The following CARD14 variants were observed in gnomAD, a reference collection of about 807,000 sequenced individuals.
The protein encoded by CARD14 is caspase recruitment domain family member 14, also known as caspase recruitment domain-containing protein 14.
Under a neutral mutation model 111.5 loss-of-function variants are expected in CARD14, and 107 were observed. The ratio of observed to expected loss-of-function variants is 0.96; its 90% CI spans 0.82 to 1.13. The LOEUF is 1.13. Among genes scored for constraint, CARD14 ranks in the 50% most tolerant of loss-of-function variants. CARD14 has a pLI of 0.00. For missense variants in CARD14, 1,322 were observed against 1,362.3 expected (o/e 0.97, Z 0.47); for synonymous variants, 617 against 579.6 (o/e 1.06, Z -0.93).
rs140521323 is a variant in CARD14 at position 80,194,443 on chromosome 17, C to T, written c.1357-748C>T. On this transcript the variant is annotated intron_variant, in intron 12 of 23. Coordinates refer to ENST00000648509, the MANE Select transcript of CARD14 (RefSeq NM_001366385.1). ...CATCTGGTGGCCTCAGCGCCTCGCA[C>T]GTCACATTTGTCAGTGTGCACTCTG... Among the ~76,000 whole-genome samples, 905 of 152,354 alleles carry T rather than the reference C, an allele frequency of 5.9e-3. 6 individuals are homozygous for T. Among genetic ancestry groups the T allele is most frequent in the African/African-American group, 0.02 (819 of 41,578 alleles).
intron 1 of CARD14, among the ~76,000 whole-genome samples, chr17:80,172,558 G>A (rs1432973953): frequency 6.6e-6 from 1 of 152,226 alleles, no homozygotes; most frequent in African/African-American, 2.4e-5. Flanking sequence ...GGGAGCAGGA[G>A]AGGAGACGTT....
At chr17:80,184,513 G>T (rs1400342609) in intron 7 of CARD14, among the ~76,000 whole-genome samples, 1 of 152,224 alleles carries the variant, frequency 6.6e-6, no homozygotes. Flanking sequence ...TGCCCATCCT[G>T]CTGACGCCTG....
At chr17:80,187,311 C>T (rs1567876055) in intron 7 of CARD14, among the ~76,000 whole-genome samples, 1 of 152,218 alleles carries the variant, frequency 6.6e-6, no homozygotes, top group South Asian at 2.1e-4. Context: ...CACCTCCCCC[C>T]GCCAGCCAAT....
chr17:80,200,840 T>G (rs2040936493), intron 16 of CARD14: 1 of 153,212 alleles, frequency 6.5e-6, no homozygotes, highest in African/African-American at 2.4e-5. Context: ...AGGAATTAGA[T>G]TCTCATAAGG....
At chr17:80,175,365 T>C (rs2040001013) in intron 2 of CARD14, among the ~76,000 whole-genome samples, 1 of 152,208 alleles carries the variant, frequency 6.6e-6, no homozygotes, top group Non-Finnish European at 1.5e-5. Flanking sequence ...TTTTTTAACT[T>C]TTTAAAACGC....
At chr17:80,191,595 C>A in intron 11 of CARD14, 123 bp downstream of exon 11, 1 of 1,207,892 alleles carries the variant, frequency 8.3e-7, no homozygotes, top group Non-Finnish European at 1.2e-6. Flanking sequence ...CCAGGCTGGG[C>A]CACACGCGGC....
chr17:80,185,682 C>T (rs1047194087), intron 7 of CARD14, among the ~76,000 whole-genome samples: 3 of 152,190 alleles, frequency 2.0e-5, no homozygotes, highest in Non-Finnish European at 4.4e-5. Flanking sequence ...AGCCCAGGGT[C>T]GGGCCCTGTG....
At chr17:80,193,605 C>T (rs1002849965) in intron 12 of CARD14, among the ~76,000 whole-genome samples, 3 of 152,156 alleles carry the variant, frequency 2.0e-5, no homozygotes, top group African/African-American at 4.8e-5. Flanking sequence ...GAGAGGCGGG[C>T]GAGGCTGACA....
rs745585891 is a variant in CARD14 at position 80,182,667 on chromosome 17, T to C, written c.226T>C (p.Leu76=). 2 of 1,614,126 alleles carry C rather than the reference T, an allele frequency of 1.2e-6. No homozygotes were observed. Among genetic ancestry groups the C allele is most frequent in the Non-Finnish European group, 1.7e-6 (2 of 1,180,002 alleles). ...TGCCTCCCAAGGGCACTTGCTGGATTTGCTGAAGACTCGAGGGAAGAACGG... is the reference window on the plus strand; with the variant it reads ...TGCCTCCCAAGGGCACTTGCTGGATCTGCTGAAGACTCGAGGGAAGAACGG... ...SAMRAGHLLD[L]LKTRGKNGAI... The change falls in exon 6 of 24, where the codon TTG becomes CTG. Residue 76 remains leucine (L), a synonymous_variant. Transcript: ENST00000648509. This position sits in a 1 kb window ranked among gnomAD's most constrained non-coding sequence, Gnocchi z 4.7.
chr17:80,203,073 G>C lies in CARD14; in HGVS notation c.2219+653G>C, dbSNP rs957607446. 6.6e-6 allele frequency: 1 copy of C among 152,394 alleles called. No individual in the cohort carries two copies. The highest frequency in any genetic ancestry group is 2.4e-5 in the African/African-American group (1 of 41,416). The allele number at this position is 152,394 out of a possible 1,614,324, so 9.4% of individuals were successfully genotyped here. A position where few individuals can be genotyped will look rare whatever the true frequency, so the allele number is the denominator to read the frequency against. ...ATCTGAGGTCAGGAGTTCGAGACCA[G>C]CCTGGGTAACCTGGTGAAACCCTGT... On this transcript the variant is annotated intron_variant, in intron 18 of 23. Coordinates refer to ENST00000648509, the MANE Select transcript of CARD14 (RefSeq NM_001366385.1). The surrounding 1 kb of genome is among the most constrained non-coding windows in gnomAD (Gnocchi z 4.6).
At chr17:80,174,435 A>G (rs1035322025) in intron 2 of CARD14, among the ~76,000 whole-genome samples, 2 of 151,842 alleles carry the variant, frequency 1.3e-5, no homozygotes, top group African/African-American at 4.8e-5. Context: ...CTGGTCTGGA[A>G]CTCCTGACCT....
In CARD14 at chr17:80,198,638, C is replaced by G. The variant is rs774077489; in HGVS notation, c.1851+47C>G. ...CTGTCCCCCGGGCTCCTCATGGGGA[C>G]AGTGGCAGCGGGTGGGGTGACCCAG... On this transcript the variant is annotated intron_variant, in intron 16 of 23. Coordinates refer to ENST00000648509, the MANE Select transcript of CARD14 (RefSeq NM_001366385.1). The surrounding 1 kb of genome is among the most constrained non-coding windows in gnomAD (Gnocchi z 7.5). The G allele has an allele frequency of 6.2e-7, 1 of 1,609,736 alleles. No individual in the cohort carries two copies. The highest frequency in any genetic ancestry group is 8.5e-7 in the Non-Finnish European group (1 of 1,179,544).
intron 16 of CARD14, among the ~76,000 whole-genome samples, chr17:80,199,576 A>AAAG: frequency 6.9e-6 from 1 of 144,952 alleles, no homozygotes; most frequent in East Asian, 2.1e-4. Context: ...AAAAAAAAAA[A>AAAG]AAAAAGAAAA....
chr17:80,175,592 A>G (rs1311087992), intron 2 of CARD14, among the ~76,000 whole-genome samples: 2 of 152,104 alleles, frequency 1.3e-5, no homozygotes, highest in East Asian at 3.9e-4. Context: ...GGATTCTGGA[A>G]TGAGGAAGCC....
At position 80,203,822 on chromosome 17, in the gene CARD14, G is replaced by A; in HGVS notation, c.2220G>A (p.Arg740=). 1 of 1,573,494 alleles carries A rather than the reference G, an allele frequency of 6.4e-7. No individual in the cohort carries two copies. Among genetic ancestry groups the A allele is most frequent in the Non-Finnish European group, 8.6e-7 (1 of 1,159,478 alleles). ...AAHGTIPNYS[R]AQQQLIALIQ... is the part of the protein sequence containing the mutation. ...TCAGGGCCTCTGCTGGTCTCTGCAGGGCTCAGCAGCAGCTCATAGCCCTCA... is the reference window on the plus strand; with the variant it reads ...TCAGGGCCTCTGCTGGTCTCTGCAGAGCTCAGCAGCAGCTCATAGCCCTCA... Residue 740 remains arginine, a splice_region_variant and synonymous_variant, in exon 19 of 24, where the codon AGG becomes AGA. Transcript: ENST00000648509. The surrounding 1 kb of genome is among the most constrained non-coding windows in gnomAD (Gnocchi z 4.6).
At chr17:80,204,094 C>A in intron 19 of CARD14, 133 bp from the exon 20 acceptor site, 2 of 923,416 alleles carry the variant, frequency 2.2e-6, no homozygotes, top group Non-Finnish European at 3.3e-6. Flanking sequence ...AGACACACCT[C>A]AGGCTGTTCT....
chr17:80,173,076 T>G lies in CARD14; in HGVS notation c.-519T>G, dbSNP rs2039941004. 6.5e-6 allele frequency: 1 copy of G among 153,004 alleles called. No homozygotes were observed. The highest frequency in any genetic ancestry group is 6.6e-5 in the Admixed American group (1 of 15,226). The allele number at this position is 153,004 out of a possible 1,614,324, so 9.5% of individuals were successfully genotyped here. A position where few individuals can be genotyped will look rare whatever the true frequency, so the allele number is the denominator to read the frequency against. ...TTCTATTTCTAGTAGAAATGGGGTTTCACCATGTTGGCAGGCTGGTCTCGA... is the reference window on the plus strand; with the variant it reads ...TTCTATTTCTAGTAGAAATGGGGTTGCACCATGTTGGCAGGCTGGTCTCGA... On this transcript the variant is annotated 5_prime_UTR_variant, in exon 2 of 24. Transcript: ENST00000648509.
chr17:80,205,590 G>T lies in CARD14; in HGVS notation c.2629G>T (p.Gly877Ter). ...CCAGAGAGGGGACATCATCCAGGAG[G>T]GAGAGGTGTCCGGGGGCCGCTGCTG... Reference protein sequence around the residue: ...WSQRGDIIQEGEVSGGRCWVT... With the variant: ...WSQRGDIIQE The change falls in exon 22 of 24, where the codon GGA becomes TGA. Residue 877 changes from glycine to a stop codon, truncating the protein, a stop_gained. Coordinates refer to ENST00000648509, the MANE Select transcript of CARD14 (RefSeq NM_001366385.1). LOFTEE classifies it high-confidence loss of function. 6.3e-7 allele frequency: 1 copy of T among 1,575,518 alleles called. No individual in the cohort carries two copies. The highest frequency in any genetic ancestry group is 1.2e-5 in the South Asian group (1 of 86,010).
chr17:80,199,825 G>C (rs902215185), intron 16 of CARD14, among the ~76,000 whole-genome samples: 2 of 147,324 alleles, frequency 1.4e-5, no homozygotes, highest in Admixed American at 6.7e-5. Flanking sequence ...GCAGTGAGCT[G>C]AGATGGTGCC....
Sources: gnomAD v4.1 joint callset for allele counts (sites outside exome capture counted in the v4.1 genomes callset) on GRCh38, gnomAD v4.1.1 for gene constraint, Gnocchi (gnomAD v3.1) non-coding constraint, MANE v1.5 for transcripts, NCBI Gene and HGNC (gene_info 2026-07-23, HGNC 2026-07-21) for gene names.